The following SLC25A33 variants were observed in gnomAD, a reference collection of about 807,000 sequenced individuals.
SLC25A33 encodes the protein solute carrier family 25 member 33, also known as bone marrow stromal cell mitochondrial carrier protein.
A neutral mutation model predicts 35.5 loss-of-function variants in SLC25A33; 15 were observed. The observed-to-expected ratio is 0.42, with a 90% CI of 0.28 to 0.65. The LOEUF is 0.65. Ranked by LOEUF, SLC25A33 falls within the 30% of genes least tolerant of loss-of-function variation. SLC25A33 has a pLI of 0.20. For synonymous variants in SLC25A33, 136 were observed against 148.7 expected (o/e 0.91, Z 0.62); for missense variants, 257 against 398.5 (o/e 0.64, Z 3.02).
intron 1 of SLC25A33, 34 bp downstream of exon 1, chr1:9,539,781 C>A (rs1249684430): frequency 2.2e-6 from 3 of 1,338,662 alleles, no homozygotes; most frequent in Admixed American, 6.7e-5. Context: ...CGCGCCCCAC[C>A]GCCTGCGGTC....
chr1:9,574,467 G>A (rs1223157080), intron 5 of SLC25A33, among the ~76,000 whole-genome samples: 1 of 152,112 alleles, frequency 6.6e-6, no homozygotes, highest in Non-Finnish European at 1.5e-5. Context: ...AATAAGATAT[G>A]GCAGTAGTCC....
chr1:9,550,999 T>C (rs1643258501), intron 1 of SLC25A33, among the ~76,000 whole-genome samples: 1 of 152,102 alleles, frequency 6.6e-6, no homozygotes, highest in Admixed American at 6.6e-5. Flanking sequence ...TTTAAAAATA[T>C]TCCTTATTAT....
rs1643571435 is a variant in SLC25A33 at position 9,570,335 on chromosome 1, A to G, written c.392A>G (p.His131Arg). ...GIFVPNSNIV[H>R]IFSAGSAAFI... ...TTCGTGCCTAACAGCAATATTGTGC[A>G]TATTTTCTCAGCTGGCTCTGCAGGT... Residue 131 changes from histidine (H) to arginine (R), a missense_variant, in exon 4 of 7, where the codon CAT becomes CGT. By Grantham distance (29) the His-to-Arg change is conservative. Transcript: ENST00000302692. 1.2e-6 allele frequency: 2 copies of G among 1,614,010 alleles called. No homozygotes were observed. Among genetic ancestry groups the G allele is most frequent in the Non-Finnish European group, 1.7e-6 (2 of 1,179,974 alleles).
At position 9,578,804 on chromosome 1, in the gene SLC25A33, G is replaced by C. The variant is rs1569879553; in HGVS notation, c.483-1150G>C. 6.6e-6 allele frequency among the ~76,000 whole-genome samples: 1 copy of C among 152,160 alleles called. No homozygotes were observed. The highest frequency in any genetic ancestry group is 1.9e-4 in the East Asian group (1 of 5,202). ...CATCCTTTACCTTTAACTTAGTCCT[G>C]TTTTCCACTGAAAGCATTCCCTGTG... On this transcript the variant is annotated intron_variant, in intron 5 of 6. Transcript: ENST00000302692. This position sits in a 1 kb window ranked among gnomAD's most constrained non-coding sequence, Gnocchi z 4.3.
chr1:9,544,683 C>T (rs1643141726), intron 1 of SLC25A33, among the ~76,000 whole-genome samples: 2 of 152,108 alleles, frequency 1.3e-5, no homozygotes, highest in South Asian at 4.1e-4. Context: ...TACCAAACCT[C>T]CAAAGATTAG....
In SLC25A33 at chr1:9,583,854, G is replaced by A. The variant is rs2100419565; in HGVS notation, c.*1353G>A. ...AAAAAAATACAAAAAAATTGGCCAT[G>A]CGTGGTGGCGGGCACCCATAGTCCC... On this transcript the variant is annotated 3_prime_UTR_variant, in exon 7 of 7. Coordinates refer to ENST00000302692, the MANE Select transcript of SLC25A33 (RefSeq NM_032315.3). 1 of 152,322 alleles carries A rather than the reference G, an allele frequency of 6.6e-6. No individual in the cohort carries two copies. The highest frequency in any genetic ancestry group is 2.1e-4 in the South Asian group (1 of 4,820). The allele number at this position is 152,322 out of a possible 1,614,324, so 9.4% of individuals were successfully genotyped here. A position where few individuals can be genotyped will look rare whatever the true frequency, so the allele number is the denominator to read the frequency against.
chr1:9,549,200 C>T (rs1216489083), intron 1 of SLC25A33, among the ~76,000 whole-genome samples: 1 of 152,122 alleles, frequency 6.6e-6, no homozygotes, highest in African/African-American at 2.4e-5. Context: ...TAACTCCTAG[C>T]GGTCCCATTG....
chr1:9,545,616 T>C (rs1278138766), intron 1 of SLC25A33, among the ~76,000 whole-genome samples: 1 of 150,630 alleles, frequency 6.6e-6, no homozygotes, highest in Non-Finnish European at 1.5e-5. Flanking sequence ...TTGGCCAGGC[T>C]GGTCTTGAAC....
intron 1 of SLC25A33, among the ~76,000 whole-genome samples, chr1:9,545,617 G>T (rs1643155898): frequency 6.6e-6 from 1 of 150,480 alleles, no homozygotes; most frequent in Admixed American, 6.6e-5. Flanking sequence ...TGGCCAGGCT[G>T]GTCTTGAACT....
chr1:9,558,800 G>C (rs867464715), intron 2 of SLC25A33, among the ~76,000 whole-genome samples: 1 of 152,096 alleles, frequency 6.6e-6, no homozygotes, highest in South Asian at 2.1e-4. Flanking sequence ...TGACTGCTCT[G>C]GCTTGAAAGC....
intron 1 of SLC25A33, among the ~76,000 whole-genome samples, chr1:9,542,729 A>G (rs1643104695): frequency 6.6e-6 from 1 of 152,238 alleles, no homozygotes. Context: ...TGTTTATTGC[A>G]TAGCCATTGG....
At chr1:9,555,018 G>C (rs1643319669) in intron 2 of SLC25A33, among the ~76,000 whole-genome samples, 2 of 150,548 alleles carry the variant, frequency 1.3e-5, no homozygotes, top group South Asian at 4.2e-4. Flanking sequence ...CATTCATCAA[G>C]AAAGCTATCA....
At chr1:9,553,860 A>G (rs1224580150) in intron 2 of SLC25A33, 55 bp downstream of exon 2, 1 of 1,531,062 alleles carries the variant, frequency 6.5e-7, no homozygotes, top group African/African-American at 1.4e-5. Flanking sequence ...CGCCACTGTC[A>G]ACAGAGAATG....
At chr1:9,579,649 CT>C (rs1401673578) in intron 5 of SLC25A33, among the ~76,000 whole-genome samples, 1 of 152,160 alleles carries the variant, frequency 6.6e-6, no homozygotes, top group Non-Finnish European at 1.5e-5. Context: ...TTTCTGGAAG[CT>C]TCATGTCAGC....
chr1:9,564,765 T>TATACATAC (rs59741987), intron 2 of SLC25A33, among the ~76,000 whole-genome samples: 1 of 114,842 alleles, frequency 8.7e-6, no homozygotes, highest in South Asian at 3.1e-4. Flanking sequence ...TATATATATA[T>TATACATAC]ACACAAAAAT....
At chr1:9,561,232 C>T (rs1321360595) in intron 2 of SLC25A33, among the ~76,000 whole-genome samples, 4 of 152,074 alleles carry the variant, frequency 2.6e-5, no homozygotes, top group East Asian at 3.8e-4. Context: ...CGTGAGCCAC[C>T]GCGCGCAGCC....
chr1:9,576,596 G>A (rs187883825), intron 5 of SLC25A33: 39 of 574,008 alleles, frequency 6.8e-5, no homozygotes, highest in African/African-American at 6.4e-4. Context: ...ACACGGTGGG[G>A]TAACAGAAAG....
chr1:9,549,069 C>T (rs537139135), intron 1 of SLC25A33, among the ~76,000 whole-genome samples: 1 of 152,280 alleles, frequency 6.6e-6, no homozygotes, highest in Admixed American at 6.5e-5. Flanking sequence ...GCTTGCTCTG[C>T]GGCCAGATGC....
intron 2 of SLC25A33, among the ~76,000 whole-genome samples, chr1:9,559,219 T>G (rs1313305874): frequency 1.3e-5 from 2 of 152,338 alleles, no homozygotes; most frequent in African/African-American, 4.8e-5. Flanking sequence ...ACATACAGTG[T>G]AGTTTACTTA....
Sources: gnomAD v4.1 joint callset for allele counts (sites outside exome capture counted in the v4.1 genomes callset) on GRCh38, gnomAD v4.1.1 for gene constraint, Gnocchi (gnomAD v3.1) non-coding constraint, MANE v1.5 for transcripts, NCBI Gene and HGNC (gene_info 2026-07-23, HGNC 2026-07-21) for gene names.